The following COL4A6 variants were observed in gnomAD, a reference collection of about 807,000 sequenced individuals.
The protein encoded by COL4A6 is collagen alpha-6(IV) chain.
Under a neutral mutation model 126.7 loss-of-function variants are expected in COL4A6, and 59 were observed. The observed-to-expected ratio is 0.47, with a 90% CI of 0.38 to 0.58. The LOEUF (loss-of-function observed/expected upper bound fraction) is 0.58. Ranked by LOEUF, COL4A6 falls within the 20% of genes least tolerant of loss-of-function variation. The probability of loss-of-function intolerance (pLI) is 0.00; values close to 1 mark genes in which losing one functional copy is unlikely to be tolerated. For synonymous variants in COL4A6, 547 were observed against 496.6 expected (o/e 1.10, Z -1.35); for missense variants, 1,285 against 1,337.3 (o/e 0.96, Z 0.61).
At chrX:108,303,961 G>A (rs1202276261) in intron 3 of COL4A6, among the ~76,000 whole-genome samples, 1 of 111,896 alleles carries the variant, frequency 8.9e-6, no homozygotes, top group Admixed American at 9.4e-5. Context: ...AACCATCAGG[G>A]TACAGTAATG....
intron 31 of COL4A6, among the ~76,000 whole-genome samples, chrX:108,173,654 G>A (rs953485978): frequency 3.6e-5 from 4 of 112,464 alleles, no homozygotes; most frequent in African/African-American, 1.3e-4. Flanking sequence ...CAGACACAAT[G>A]TTAAGAGCTT....
chrX:108,339,291 A>G (rs1013814148), intron 2 of COL4A6, among the ~76,000 whole-genome samples: 1 of 112,030 alleles, frequency 8.9e-6, no homozygotes, highest in African/African-American at 3.2e-5. Context: ...ATAACTCTAC[A>G]ATTAACTGAA....
intron 3 of COL4A6, among the ~76,000 whole-genome samples, chrX:108,249,482 A>G (rs2183872): frequency 0.13 from 14,406 of 111,349 alleles, 1,042 homozygotes; most frequent in East Asian, 0.4. Context: ...AAAGCTTTAT[A>G]CTTCTAGTCC....
chrX:108,433,324 G>C, intron 2 of COL4A6, among the ~76,000 whole-genome samples: 1 of 110,712 alleles, frequency 9.0e-6, no homozygotes. Context: ...CATTTAATTA[G>C]ACTTTAAACC....
At chrX:108,433,122 G>A (rs531536976) in intron 2 of COL4A6, among the ~76,000 whole-genome samples, 1 of 111,793 alleles carries the variant, frequency 8.9e-6, no homozygotes, top group Non-Finnish European at 1.9e-5. Flanking sequence ...GAAGAGGTTA[G>A]AGTTATTAAA....
At chrX:108,194,246 G>A (rs887182712) in intron 16 of COL4A6, among the ~76,000 whole-genome samples, 7 of 112,027 alleles carry the variant, frequency 6.2e-5, no homozygotes, top group African/African-American at 2.3e-4. Flanking sequence ...TAAAACAATA[G>A]TGAAACCAAC....
Position 108,160,531 on chromosome X carries a change from C to G in COL4A6, c.4457G>C (p.Ser1486Thr), listed in dbSNP as rs1163528379. 9.9e-6 allele frequency: 12 copies of G among 1,209,781 alleles called. No homozygotes were observed. The highest frequency in any genetic ancestry group is 2.3e-4 in the Middle Eastern group (1 of 4,351). Reference protein sequence around the residue: ...EQVPPCPIGMSQLWVGYSLLF... With the variant: ...EQVPPCPIGMTQLWVGYSLLF... Reference sequence around the variant, plus strand: ...TAAGCTGTACCCCACCCACAGCTGGCTCATCCCGATGGGACACGGGGGCAC... The same window carrying G: ...TAAGCTGTACCCCACCCACAGCTGGGTCATCCCGATGGGACACGGGGGCAC... Residue 1486 changes from serine (S) to threonine (T), a missense_variant, in exon 43 of 45, where the codon AGC (serine) becomes ACC (threonine). Ser to Thr is a moderately conservative substitution (Grantham distance 58, BLOSUM62 1). Transcript: ENST00000334504.
intron 3 of COL4A6, among the ~76,000 whole-genome samples, chrX:108,307,110 GAA>G: frequency 9.2e-6 from 1 of 108,320 alleles, no homozygotes; most frequent in East Asian, 2.9e-4. Flanking sequence ...AGTGGCAGGG[GAA>G]AAAAAATACC....
At chrX:108,360,066 G>T (rs940650375) in intron 2 of COL4A6, among the ~76,000 whole-genome samples, 3 of 111,702 alleles carry the variant, frequency 2.7e-5, no homozygotes, top group African/African-American at 9.8e-5. Flanking sequence ...GGTCTGTGCA[G>T]TACTACCAAC....
chrX:108,161,555 A>G (rs2033936246), intron 42 of COL4A6, 64 bp downstream of exon 42: 3 of 690,147 alleles, frequency 4.3e-6, no homozygotes, highest in South Asian at 5.4e-5. Context: ...ACTCACCCCC[A>G]GCCTCAAACC....
At chrX:108,319,206 A>G (rs2038960441) in intron 2 of COL4A6, among the ~76,000 whole-genome samples, 1 of 112,000 alleles carries the variant, frequency 8.9e-6, no homozygotes, top group African/African-American at 3.2e-5. Context: ...GTGATACCCC[A>G]TCTCTACAAA....
intron 41 of COL4A6, among the ~76,000 whole-genome samples, chrX:108,162,488 G>A (rs1602702864): frequency 9.0e-6 from 1 of 111,324 alleles, no homozygotes; most frequent in South Asian, 3.9e-4. Flanking sequence ...GGAAGAAGAA[G>A]AGGAAGAAAA....
At chrX:108,412,894 A>C (rs1221260683) in intron 2 of COL4A6, among the ~76,000 whole-genome samples, 1 of 112,442 alleles carries the variant, frequency 8.9e-6, no homozygotes. Context: ...GTCCCATGTA[A>C]TTGATTTGGG....
At chrX:108,194,698 G>A in intron 15 of COL4A6, 111 bp from the exon 16 acceptor site, 1 of 723,370 alleles carries the variant, frequency 1.4e-6, no homozygotes, top group Non-Finnish European at 2.1e-6. Flanking sequence ...GACATTGCAG[G>A]GTATATGTGG....
At chrX:108,430,190 C>T (rs1315425953) in intron 2 of COL4A6, among the ~76,000 whole-genome samples, 1 of 111,493 alleles carries the variant, frequency 9.0e-6, no homozygotes, top group Non-Finnish European at 1.9e-5. Flanking sequence ...AGTAGGAGTT[C>T]ATTAGATAGA....
intron 2 of COL4A6, among the ~76,000 whole-genome samples, chrX:108,315,160 C>T (rs1488977047): frequency 8.9e-6 from 1 of 112,021 alleles, no homozygotes; most frequent in African/African-American, 3.2e-5. Context: ...AATAAAAATG[C>T]CTAGTAAATA....
chrX:108,367,312 C>A (rs2040221541), intron 2 of COL4A6, among the ~76,000 whole-genome samples: 1 of 111,664 alleles, frequency 9.0e-6, no homozygotes, highest in South Asian at 3.8e-4. Context: ...GTATAATGTA[C>A]AAAAGGTACT....
At chrX:108,326,008 G>T (rs1043656107) in intron 2 of COL4A6, among the ~76,000 whole-genome samples, 1 of 111,764 alleles carries the variant, frequency 8.9e-6, no homozygotes, top group Non-Finnish European at 1.9e-5. Context: ...TGCTAAGATT[G>T]GGGGCAAGGC....
chrX:108,284,569 G>A (rs2037953442), intron 3 of COL4A6, among the ~76,000 whole-genome samples: 1 of 112,155 alleles, frequency 8.9e-6, no homozygotes, highest in Non-Finnish European at 1.9e-5. Flanking sequence ...AAAACTCTTT[G>A]ATTTGCCTCA....
Sources: gnomAD v4.1 joint callset for allele counts (sites outside exome capture counted in the v4.1 genomes callset) on GRCh38, gnomAD v4.1.1 for gene constraint, MANE v1.5 for transcripts, NCBI Gene and HGNC (gene_info 2026-07-23, HGNC 2026-07-21) for gene names.